SNTG1: variants seen among roughly 807,000 people sequenced by gnomAD.
SNTG1 encodes the protein gamma-1-syntrophin.
A neutral mutation model predicts 74.7 loss-of-function variants in SNTG1; 39 were observed. The ratio of observed to expected loss-of-function variants is 0.52; its 90% CI spans 0.40 to 0.68. SNTG1 has a LOEUF of 0.68. Among genes scored for constraint, SNTG1 ranks in the 30% least tolerant of loss-of-function variants. The pLI is 0.00. For synonymous variants in SNTG1, 254 were observed against 217.1 expected (o/e 1.17, Z -1.49); for missense variants, 685 against 609.5 (o/e 1.12, Z -1.30).
At position 50,373,281 on chromosome 8, in the gene SNTG1, G is replaced by A. The variant is rs183873301; in HGVS notation, c.-27-20931G>A. Among the ~76,000 whole-genome samples, 253 of 152,296 alleles carry A rather than the reference G, an allele frequency of 1.7e-3. 1 individual carries two copies. In the Middle Eastern group the frequency reaches 0.027, roughly 16 times the overall value. ...CCTCTTATTTAAGGAATGCAAATAT[G>A]TTTTCACGAAATACAGAAGTTAATT... On this transcript the variant is annotated intron_variant, in intron 2 of 18. Transcript: ENST00000642720.
At chr8:50,345,424 C>A (rs1365835331) in intron 2 of SNTG1, among the ~76,000 whole-genome samples, 2 of 152,190 alleles carry the variant, frequency 1.3e-5, no homozygotes, top group African/African-American at 2.4e-5. Context: ...CCTTCTAGAA[C>A]CCTACTCTGC....
chr8:50,555,469 T>C (rs1457535818), intron 12 of SNTG1, among the ~76,000 whole-genome samples: 1 of 152,190 alleles, frequency 6.6e-6, no homozygotes, highest in East Asian at 1.9e-4. Context: ...TTAATTAGCA[T>C]AAAGAAAGAA....
intron 2 of SNTG1, among the ~76,000 whole-genome samples, chr8:50,195,465 C>T (rs943036838): frequency 3.3e-5 from 5 of 152,098 alleles, no homozygotes; most frequent in African/African-American, 7.2e-5. Context: ...GGAGGTTTCT[C>T]GCCCCGTTCA....
At chr8:50,623,223 A>C (rs1490323784) in intron 13 of SNTG1, among the ~76,000 whole-genome samples, 1 of 152,134 alleles carries the variant, frequency 6.6e-6, no homozygotes, top group Admixed American at 6.6e-5. Flanking sequence ...AGAAGTGGCA[A>C]AAGTGGGCCA....
intron 1 of SNTG1, among the ~76,000 whole-genome samples, chr8:49,997,727 T>C (rs561996531): frequency 6.6e-6 from 1 of 152,168 alleles, no homozygotes; most frequent in Non-Finnish European, 1.5e-5. Flanking sequence ...AGTTACTCCT[T>C]CTTAGACTTT....
intron 1 of SNTG1, among the ~76,000 whole-genome samples, chr8:50,062,303 T>C (rs1304162917): frequency 1.3e-5 from 2 of 152,182 alleles, no homozygotes; most frequent in Non-Finnish European, 2.9e-5. Flanking sequence ...TGCCTCGGCC[T>C]CCCAAAGTGC....
intron 2 of SNTG1, among the ~76,000 whole-genome samples, chr8:50,306,517 G>A (rs1282443238): frequency 6.6e-6 from 1 of 152,038 alleles, no homozygotes; most frequent in Admixed American, 6.6e-5. Context: ...CTCAAAAGCA[G>A]TGTATAAGTG....
At chr8:50,435,718 C>T (rs919634440) in intron 4 of SNTG1, among the ~76,000 whole-genome samples, 2 of 152,190 alleles carry the variant, frequency 1.3e-5, no homozygotes, top group African/African-American at 4.8e-5. Context: ...GAAGCAGCAT[C>T]TGGAGACACT....
chr8:50,160,455 C>T (rs1439106979), intron 1 of SNTG1, among the ~76,000 whole-genome samples: 2 of 152,074 alleles, frequency 1.3e-5, no homozygotes, highest in African/African-American at 2.4e-5. Flanking sequence ...CTTAAAGGGT[C>T]ATATGGATTG....
intron 1 of SNTG1, among the ~76,000 whole-genome samples, chr8:50,101,812 G>A (rs900031727): frequency 6.6e-6 from 1 of 151,414 alleles, no homozygotes. Flanking sequence ...TGCGGTGTTT[G>A]GTTTTTTGTC....
chr8:49,963,378 G>A (rs1279143452), intron 1 of SNTG1, among the ~76,000 whole-genome samples: 3 of 152,104 alleles, frequency 2.0e-5, no homozygotes, highest in Non-Finnish European at 4.4e-5. Context: ...GGCTGATTTT[G>A]TTTTGGTTTA....
intron 1 of SNTG1, among the ~76,000 whole-genome samples, chr8:50,030,830 C>T (rs1257572646): frequency 6.6e-6 from 1 of 151,764 alleles, no homozygotes; most frequent in Non-Finnish European, 1.5e-5. Flanking sequence ...TAAATCATTG[C>T]CTGTCCATAT....
chr8:50,670,255 C>T (rs572269382), intron 15 of SNTG1, among the ~76,000 whole-genome samples: 1 of 152,074 alleles, frequency 6.6e-6, no homozygotes, highest in Admixed American at 6.6e-5. Context: ...TCAAATTGTC[C>T]CTGTTTGCAG....
chr8:50,484,102 C>CTCTTTCTTTCTT (rs775691106), intron 8 of SNTG1, among the ~76,000 whole-genome samples: 17,994 of 110,510 alleles, frequency 0.16, 2,169 homozygotes, highest in East Asian at 0.27. Context: ...CTTTCTTTCT[C>CTCTTTCTTTCTT]TCTTTCTTTC....
chr8:50,328,763 C>T (rs1230517733), intron 2 of SNTG1, among the ~76,000 whole-genome samples: 1 of 152,182 alleles, frequency 6.6e-6, no homozygotes, highest in Admixed American at 6.5e-5. Context: ...CCCATGGCCC[C>T]TCCCAAATCT....
intron 2 of SNTG1, among the ~76,000 whole-genome samples, chr8:50,346,529 G>A (rs1029502217): frequency 1.2e-4 from 19 of 152,152 alleles, no homozygotes; most frequent in African/African-American, 3.9e-4. Flanking sequence ...TAGTGTTCAC[G>A]TTAAAGGAAG....
chr8:50,434,901 T>A (rs921810676), intron 4 of SNTG1, among the ~76,000 whole-genome samples: 1 of 152,090 alleles, frequency 6.6e-6, no homozygotes, highest in African/African-American at 2.4e-5. Context: ...CCAATGATAA[T>A]CTCTTTAGTT....
intron 17 of SNTG1, among the ~76,000 whole-genome samples, chr8:50,712,496 T>C (rs1341157594): frequency 6.6e-6 from 1 of 152,182 alleles, no homozygotes; most frequent in African/African-American, 2.4e-5. Flanking sequence ...TATTTTTTAT[T>C]TTTTATTACA....
At chr8:50,104,248 T>C (rs1268693331) in intron 1 of SNTG1, among the ~76,000 whole-genome samples, 1 of 152,204 alleles carries the variant, frequency 6.6e-6, no homozygotes, top group Non-Finnish European at 1.5e-5. Context: ...AGCCTGTTAT[T>C]AGTCTATTCA....
Sources: gnomAD v4.1 joint callset for allele counts (sites outside exome capture counted in the v4.1 genomes callset) on GRCh38, gnomAD v4.1.1 for gene constraint, MANE v1.5 for transcripts, NCBI Gene and HGNC (gene_info 2026-07-23, HGNC 2026-07-21) for gene names.